The following EIF2AK1 variants were observed in gnomAD, a reference collection of about 807,000 sequenced individuals.
EIF2AK1 encodes the protein eukaryotic translation initiation factor 2 alpha kinase 1.
A neutral mutation model predicts 77.9 loss-of-function variants in EIF2AK1; 54 were observed. The ratio of observed to expected loss-of-function variants is 0.69; its 90% CI spans 0.56 to 0.87. EIF2AK1 has a LOEUF of 0.87. EIF2AK1 is among the 40% of genes least tolerant of loss of function. The probability of loss-of-function intolerance (pLI) is 0.00; values close to 1 mark genes in which losing one functional copy is unlikely to be tolerated. For synonymous variants in EIF2AK1, 314 were observed against 290.5 expected (o/e 1.08, Z -0.82); for missense variants, 810 against 768.6 (o/e 1.05, Z -0.64).
rs201279634 is a variant in EIF2AK1, at chr7:6,041,260, C to T, written c.792-41G>A. On this transcript the variant is annotated intron_variant, in intron 8 of 14. Transcript: ENST00000199389. ...ATAGTAAACATAAAAGTCAATGGGC[C>T]GAGCACAGTGGCTCATGCCTGTAAT... The T allele has an allele frequency of 9.3e-5, 144 of 1,551,830 alleles. No homozygotes were observed. In the African/African-American group the frequency reaches 1.6e-3, roughly 17 times the overall value.
In EIF2AK1 at chr7:6,035,591, G is replaced by C. The variant is rs1005269429; in HGVS notation, c.1332+1833C>G. 1.3e-6 allele frequency: 2 copies of C among 1,551,002 alleles called. No homozygotes were observed. Among genetic ancestry groups the C allele is most frequent in the Admixed American group, 3.9e-5 (2 of 50,980 alleles). On this transcript the variant is annotated intron_variant, in intron 11 of 14. Coordinates refer to ENST00000199389, the MANE Select transcript of EIF2AK1 (RefSeq NM_014413.4). The surrounding 1 kb of genome is among the most constrained non-coding windows in gnomAD (Gnocchi z 5.5). ...TCACATGTCTCCGCATCTTGTGTGC[G>C]CACGGAGCTCAAGTGAACACTCAAG...
At chr7:6,052,611 C>T (rs79319170) in intron 2 of EIF2AK1, among the ~76,000 whole-genome samples, 1,080 of 105,326 alleles carry the variant, frequency 0.01, 12 homozygotes, top group African/African-American at 0.037. Flanking sequence ...AAAAAAAGAA[C>T]CTCAGAATCT....
chr7:6,023,597 G>A lies in EIF2AK1; in HGVS notation c.*1076C>T. On this transcript the variant is annotated 3_prime_UTR_variant, in exon 15 of 15. Coordinates refer to ENST00000199389, the MANE Select transcript of EIF2AK1 (RefSeq NM_014413.4). ...TGGTCTGTACTCCAGCAGATCGGAG[G>A]CTGCAGTGTGACAGTGCCAGCCAAT... 1 of 1,614,218 alleles carries A rather than the reference G, an allele frequency of 6.2e-7. No homozygotes were observed. Among genetic ancestry groups the A allele is most frequent in the Non-Finnish European group, 8.5e-7 (1 of 1,180,042 alleles).
chr7:6,029,962 A>G (rs904602162), intron 11 of EIF2AK1, among the ~76,000 whole-genome samples: 6 of 151,252 alleles, frequency 4.0e-5, no homozygotes, highest in African/African-American at 1.5e-4. Context: ...CCTGGGAAAC[A>G]GAGTGAGACT....
At position 6,044,658 on chromosome 7, in the gene EIF2AK1, G is replaced by A; in HGVS notation, c.634C>T (p.Leu212=). ...CCTGCCAGCACCTTCACTTCCCGTA[G>A]GACCTAGAAAAGAAATGGAAGTAGA... ...GATKTVCMKV[L]REVKVLAGLQ... is the part of the protein sequence containing the mutation. Residue 212 remains leucine, a synonymous_variant, in exon 7 of 15, where the codon CTA becomes TTA. Transcript: ENST00000199389. 6 of 1,613,444 alleles carry A rather than the reference G, an allele frequency of 3.7e-6. No homozygotes were observed. The highest frequency in any genetic ancestry group is 4.2e-6 in the Non-Finnish European group (5 of 1,179,652).
intron 9 of EIF2AK1, 76 bp downstream of exon 9, chr7:6,040,816 G>A: frequency 8.2e-7 from 1 of 1,213,464 alleles, no homozygotes; most frequent in Non-Finnish European, 1.2e-6. Context: ...AGAGCTGAGA[G>A]AGGGCGAGAG....
At chr7:6,053,117 A>G (rs1448443053) in intron 2 of EIF2AK1, among the ~76,000 whole-genome samples, 1 of 152,198 alleles carries the variant, frequency 6.6e-6, no homozygotes, top group African/African-American at 2.4e-5. Context: ...GAAATCATTA[A>G]TATTTATTTC....
Position 6,037,410 on chromosome 7 carries a change from T to C in EIF2AK1, c.1332+14A>G. ...GCTCCCACTGCTTTCAATGATTTCA[T>C]CGCCCCCACTTACCTTCAGATCTCG... On this transcript the variant is annotated intron_variant, in intron 11 of 14. Transcript: ENST00000199389. The C allele has an allele frequency of 1.3e-6, 2 of 1,558,526 alleles. No homozygotes were observed. Among genetic ancestry groups the C allele is most frequent in the South Asian group, 2.3e-5 (2 of 88,406 alleles).
At chr7:6,034,564 T>C (rs1461344968) in intron 11 of EIF2AK1, among the ~76,000 whole-genome samples, 1 of 152,188 alleles carries the variant, frequency 6.6e-6, no homozygotes, top group African/African-American at 2.4e-5. Context: ...CACTATTTAC[T>C]GAGCTGTTTC....
In EIF2AK1 at chr7:6,024,128, G is replaced by T. The variant is rs1171973557; in HGVS notation, c.*545C>A. On this transcript the variant is annotated 3_prime_UTR_variant, in exon 15 of 15. Transcript: ENST00000199389. ...AATGACGCTAAACTGAAGGTGGAGA[G>T]AACAGATAAAAAGGTTGGAAGTTGC... The T allele has an allele frequency of 7.7e-7, 1 of 1,295,110 alleles. No homozygotes were observed. The highest frequency in any genetic ancestry group is 1.0e-6 in the Non-Finnish European group (1 of 993,038). The allele number at this position is 1,295,110 out of a possible 1,614,324, so 80.2% of individuals were successfully genotyped here.
At chr7:6,031,704 C>T (rs568169837) in intron 11 of EIF2AK1, 133 of 1,009,384 alleles carry the variant, frequency 1.3e-4, no homozygotes, top group Non-Finnish European at 1.8e-4. Flanking sequence ...GAATGAGACA[C>T]GACTCCAGCT....
Position 6,032,824 on chromosome 7 carries a change from G to A in EIF2AK1, c.1333-3792C>T. The A allele has an allele frequency of 6.5e-7, 1 of 1,546,934 alleles. No individual in the cohort carries two copies. Among genetic ancestry groups the A allele is most frequent in the East Asian group, 2.4e-5 (1 of 40,900 alleles). On this transcript the variant is annotated intron_variant, in intron 11 of 14. Coordinates refer to ENST00000199389, the MANE Select transcript of EIF2AK1 (RefSeq NM_014413.4). This position sits in a 1 kb window ranked among gnomAD's most constrained non-coding sequence, Gnocchi z 4.3. ...CACAGGGCCACTTGTAATGTGTTTTGTTTTCCCTCCAAAGCCGACAGAGTC... is the reference window on the plus strand; with the variant it reads ...CACAGGGCCACTTGTAATGTGTTTTATTTTCCCTCCAAAGCCGACAGAGTC...
At chr7:6,045,613 C>T (rs1419838976) in intron 6 of EIF2AK1, among the ~76,000 whole-genome samples, 2 of 151,850 alleles carry the variant, frequency 1.3e-5, no homozygotes, top group Non-Finnish European at 2.9e-5. Context: ...CTGGACAACT[C>T]GTCCAGAACC....
At chr7:6,053,840 C>CT (rs1349810120) in intron 2 of EIF2AK1, among the ~76,000 whole-genome samples, 27 of 77,590 alleles carry the variant, frequency 3.5e-4, no homozygotes, top group Non-Finnish European at 6.0e-4. Flanking sequence ...GGTAGTTTTG[C>CT]ATTTTTTTTT....
chr7:6,031,849 C>T (rs1787921114), intron 11 of EIF2AK1, among the ~76,000 whole-genome samples: 2 of 152,216 alleles, frequency 1.3e-5, no homozygotes, highest in Admixed American at 1.3e-4. Context: ...AACATACCCA[C>T]AGTGATGATC....
chr7:6,055,773 G>C lies in EIF2AK1; in HGVS notation c.119-1069C>G, dbSNP rs572169915. On this transcript the variant is annotated intron_variant, in intron 1 of 14. Transcript: ENST00000199389. The stretch of plus-strand genomic sequence containing the variant: ...AGGCAGGCAGATCACCTAAGGTCAG[G>C]AGTTCGAGACCAGCCTGGCCAACAT... Among the ~76,000 whole-genome samples the C allele has an allele frequency of 3.3e-5, 5 of 151,438 alleles. No individual in the cohort carries two copies. In the South Asian group the frequency reaches 6.3e-4, roughly 19 times the overall value.
chr7:6,058,361 G>A (rs1193398599), intron 1 of EIF2AK1: 2 of 332,042 alleles, frequency 6.0e-6, no homozygotes, highest in Non-Finnish European at 1.2e-5. Context: ...AGGCTGCAAT[G>A]AGCTATGATT....
At chr7:6,053,500 G>A (rs1360368514) in intron 2 of EIF2AK1, among the ~76,000 whole-genome samples, 1 of 151,026 alleles carries the variant, frequency 6.6e-6, no homozygotes, top group African/African-American at 2.4e-5. Flanking sequence ...TTACAGCTGG[G>A]ATTACAGGTG....
At chr7:6,030,160 G>A (rs1459242963) in intron 11 of EIF2AK1, among the ~76,000 whole-genome samples, 7 of 152,300 alleles carry the variant, frequency 4.6e-5, no homozygotes, top group Middle Eastern at 3.4e-3. Context: ...AAGTGAACAG[G>A]ATGTAGAGGA....
Sources: allele counts gnomAD v4.1 joint callset (sites outside exome capture counted in the v4.1 genomes callset), GRCh38; gene constraint gnomAD v4.1.1; non-coding constraint Gnocchi (gnomAD v3.1); transcripts MANE v1.5; gene names NCBI Gene and HGNC (gene_info 2026-07-23, HGNC 2026-07-21).